The following FAM169A variants were observed in gnomAD, a reference collection of about 807,000 sequenced individuals.
FAM169A encodes the protein soluble lamin-associated protein of 75 kDa.
A neutral mutation model predicts 75.7 loss-of-function variants in FAM169A; 24 were observed. The observed-to-expected ratio is 0.32, with a 90% CI of 0.23 to 0.45. The LOEUF (loss-of-function observed/expected upper bound fraction) is 0.45, where lower values mean the gene tolerates loss of function less well. Ranked by LOEUF, FAM169A falls within the 20% of genes least tolerant of loss-of-function variation. The probability of loss-of-function intolerance (pLI) is 1.00; values close to 1 mark genes in which losing one functional copy is unlikely to be tolerated. For missense variants in FAM169A, 673 were observed against 784.0 expected, an observed-to-expected ratio of 0.86 and a Z score of 1.69; for synonymous variants, 271 against 271.0, an observed-to-expected ratio of 1.00 and a Z score of 0.00.
chr5:74,805,404 C>A, intron 6 of FAM169A, 120 bp from the exon 7 acceptor site: 1 of 685,660 alleles, frequency 1.5e-6, no homozygotes, highest in Non-Finnish European at 2.4e-6. Flanking sequence ...GATACCAAAA[C>A]ACCAGCAACA....
intron 11 of FAM169A, among the ~76,000 whole-genome samples, chr5:74,787,388 A>C (rs969391012): frequency 1.3e-5 from 2 of 152,194 alleles, no homozygotes; most frequent in Non-Finnish European, 2.9e-5. Context: ...CCTTGGTTTA[A>C]TGTAGAGGAA....
At chr5:74,811,070 C>T (rs1747170145) in intron 6 of FAM169A, among the ~76,000 whole-genome samples, 1 of 150,466 alleles carries the variant, frequency 6.6e-6, no homozygotes, top group African/African-American at 2.5e-5. Context: ...ACAAATTCTG[C>T]CTCCCAGGCT....
intron 5 of FAM169A, among the ~76,000 whole-genome samples, chr5:74,819,911 G>C (rs6885078): frequency 6.6e-6 from 1 of 152,020 alleles, no homozygotes; most frequent in East Asian, 1.9e-4. Flanking sequence ...TTTCTTTAGC[G>C]GAGGGATGAA....
intron 5 of FAM169A, among the ~76,000 whole-genome samples, chr5:74,823,154 CAATA>C (rs1747847863): frequency 1.3e-5 from 2 of 152,136 alleles, no homozygotes; most frequent in Admixed American, 6.6e-5. Flanking sequence ...GCTTCCTGGC[CAATA>C]AAATGCCACA....
chr5:74,811,505 C>G (rs73116725), intron 6 of FAM169A, among the ~76,000 whole-genome samples: 14,284 of 152,120 alleles, frequency 0.094, 1,686 homozygotes, highest in African/African-American at 0.28. Context: ...TCAAGATGGG[C>G]ATCTAATTCT....
intron 1 of FAM169A, among the ~76,000 whole-genome samples, chr5:74,842,420 C>CAAAAAAAAAAA (rs56653446): frequency 4.4e-5 from 1 of 22,476 alleles, no homozygotes; most frequent in African/African-American, 1.6e-4. Flanking sequence ...GACTCTATCA[C>CAAAAAAAAAAA]AAAAAAAAAA....
Position 74,782,102 on chromosome 5 carries a change from T to C in FAM169A, c.1465-94A>G, listed in dbSNP as rs1376420326. 4 of 927,196 alleles carry C rather than the reference T, an allele frequency of 4.3e-6. No individual in the cohort carries two copies. The East Asian group carries it at 1.0e-4, about 23-fold the overall frequency. 57.4% of individuals were successfully genotyped at this position (927,196 alleles called of 1,614,324 possible). ...AATATGCAGTGACACTGAACTAGAA[T>C]TTAATTCGGTATTCATTACTCAAAA... is the stretch of plus-strand genomic sequence containing the variant. On this transcript the variant is annotated intron_variant, in intron 12 of 12. Coordinates refer to ENST00000687041, the MANE Select transcript of FAM169A (RefSeq NM_001376049.1).
rs1340736380 is a variant in FAM169A, at chr5:74,781,789, G to C, written c.1684C>G (p.Pro562Ala). 4 of 1,613,910 alleles carry C rather than the reference G, an allele frequency of 2.5e-6. No homozygotes were observed. The highest frequency in any genetic ancestry group is 2.5e-6 in the Non-Finnish European group (3 of 1,179,986). ...SEEPVSENLS[P>A]NTTSSLEDQG... ...TCTTCCAATGAGGAAGTAGTATTAG[G>C]AGACAAATTCTCAGAGACCGGTTCT... Residue 562 changes from proline (P) to alanine (A), a missense_variant, in exon 13 of 13, where the codon CCT becomes GCT. Transcript: ENST00000687041.
At chr5:74,836,167 T>G (rs1748562175) in intron 4 of FAM169A, among the ~76,000 whole-genome samples, 1 of 152,206 alleles carries the variant, frequency 6.6e-6, no homozygotes, top group African/African-American at 2.4e-5. Flanking sequence ...TATTAGCTTT[T>G]TTGCTTATCT....
chr5:74,819,240 A>G (rs1747648365), intron 5 of FAM169A, among the ~76,000 whole-genome samples: 1 of 152,064 alleles, frequency 6.6e-6, no homozygotes, highest in Non-Finnish European at 1.5e-5. Context: ...AAAAAAGGCA[A>G]ATTATTTGAA....
intron 5 of FAM169A, among the ~76,000 whole-genome samples, chr5:74,827,453 A>T (rs1748093035): frequency 6.6e-6 from 1 of 152,004 alleles, no homozygotes; most frequent in Admixed American, 6.6e-5. Flanking sequence ...TTATCCAATC[A>T]TTTTTCTCTA....
Position 74,841,687 on chromosome 5 carries a change from A to C in FAM169A, c.-3-8T>G. The C allele has an allele frequency of 6.2e-7, 1 of 1,608,696 alleles. No homozygotes were observed. The highest frequency in any genetic ancestry group is 8.5e-7 in the Non-Finnish European group (1 of 1,177,380). The stretch of plus-strand genomic sequence containing the variant: ...CACAGGGAATGCCATCCTCTTTAAC[A>C]AACAACATGGAACAAACAATTCAGA... On this transcript the variant is annotated splice_polypyrimidine_tract_variant and splice_region_variant and intron_variant, in intron 1 of 12. Transcript: ENST00000687041.
At chr5:74,824,057 T>C (rs1032947816) in intron 5 of FAM169A, among the ~76,000 whole-genome samples, 5 of 152,048 alleles carry the variant, frequency 3.3e-5, no homozygotes, top group African/African-American at 9.7e-5. Context: ...GACGAGTAAA[T>C]GTGGACAAGA....
intron 11 of FAM169A, among the ~76,000 whole-genome samples, chr5:74,784,376 G>A (rs565509129): frequency 1.9e-4 from 29 of 151,718 alleles, no homozygotes; most frequent in African/African-American, 6.0e-4. Context: ...CAGGCATGGC[G>A]GCACTCGCCT....
intron 4 of FAM169A, among the ~76,000 whole-genome samples, chr5:74,836,977 T>C (rs971144256): frequency 6.6e-6 from 1 of 151,150 alleles, no homozygotes; most frequent in Non-Finnish European, 1.5e-5. Flanking sequence ...ATGTTGTCCC[T>C]AAGGTAACTA....
chr5:74,851,029 C>T (rs940636112), intron 1 of FAM169A, among the ~76,000 whole-genome samples: 3 of 149,886 alleles, frequency 2.0e-5, no homozygotes, highest in African/African-American at 7.5e-5. Context: ...AATCCTCGTA[C>T]ATCAGCCTCC....
intron 1 of FAM169A, chr5:74,848,883 TTTG>T (rs1188183715): frequency 6.6e-6 from 1 of 152,188 alleles, no homozygotes; most frequent in African/African-American, 2.4e-5. Flanking sequence ...CTCTCTCTTT[TTTG>T]TTGTTTTTAA....
At chr5:74,791,818 A>G (rs1168086973) in intron 11 of FAM169A, among the ~76,000 whole-genome samples, 2 of 152,252 alleles carry the variant, frequency 1.3e-5, no homozygotes, top group African/African-American at 4.8e-5. Flanking sequence ...TGCTGAAGGC[A>G]AAGGGAATAC....
intron 5 of FAM169A, among the ~76,000 whole-genome samples, chr5:74,829,055 C>T (rs768115167): frequency 2.6e-5 from 4 of 152,176 alleles, no homozygotes; most frequent in Non-Finnish European, 5.9e-5. Flanking sequence ...GAATTTTGAA[C>T]GGTGTCCTGA....
Sources: gnomAD v4.1 joint callset for allele counts (sites outside exome capture counted in the v4.1 genomes callset) on GRCh38, gnomAD v4.1.1 for gene constraint, MANE v1.5 for transcripts, NCBI Gene and HGNC (gene_info 2026-07-23, HGNC 2026-07-21) for gene names.